Variants in VAV2 observed in about 807,000 individuals in gnomAD.
VAV2 encodes guanine nucleotide exchange factor VAV2.
Under a neutral mutation model 132.5 loss-of-function variants are expected in VAV2, and 67 were observed. The observed-to-expected ratio is 0.51, with a 90% confidence interval of 0.42 to 0.62. The LOEUF is 0.62. VAV2 is among the 20% of genes least tolerant of loss of function. VAV2 has a pLI of 0.00. For missense variants in VAV2, 938 were observed against 1,153.6 expected (o/e 0.81, Z 2.71); for synonymous variants, 492 against 443.5 (o/e 1.11, Z -1.37).
intron 3 of VAV2, among the ~76,000 whole-genome samples, chr9:133,835,568 C>T (rs1401157607): frequency 1.3e-5 from 2 of 152,206 alleles, no homozygotes; most frequent in African/African-American, 4.8e-5. Flanking sequence ...CCCCAGGGTG[C>T]GTGTTCTGGT....
chr9:133,865,852 C>A (rs746487785), intron 2 of VAV2, among the ~76,000 whole-genome samples: 1 of 152,210 alleles, frequency 6.6e-6, no homozygotes, highest in Non-Finnish European at 1.5e-5. Context: ...GTGGAGGGAG[C>A]CCCCAGGCTC....
rs1293556733 is a variant in VAV2, at chr9:133,928,821, C to G, written c.321+10282G>C. On this transcript the variant is annotated intron_variant, in intron 2 of 29. Transcript: ENST00000371850. The surrounding 1 kb of genome is among the most constrained non-coding windows in gnomAD (Gnocchi z 5.4). ...CTGGATACACTTGTCCAGCCCCAGA[C>G]GCAGGGCAGGTGGATGGTGGGTGTG... 6.6e-6 allele frequency among the ~76,000 whole-genome samples: 1 copy of G among 152,172 alleles called. No individual in the cohort carries two copies. Among genetic ancestry groups the G allele is most frequent in the Admixed American group, 6.5e-5 (1 of 15,278 alleles).
Position 133,863,863 on chromosome 9 carries a change from G to C in VAV2, c.322-2431C>G, listed in dbSNP as rs1837694726. 6.6e-6 allele frequency among the ~76,000 whole-genome samples: 1 copy of C among 152,176 alleles called. No individual in the cohort carries two copies. Among genetic ancestry groups the C allele is most frequent in the South Asian group, 2.1e-4 (1 of 4,832 alleles). ...GACCCCTGAGATAGCCATGGGGTCA[G>C]ATGGGGCAAAGCCGGCCCCATGTGA... is the stretch of plus-strand genomic sequence containing the variant. On this transcript the variant is annotated intron_variant, in intron 2 of 29. Transcript: ENST00000371850. The surrounding 1 kb of genome is among the most constrained non-coding windows in gnomAD (Gnocchi z 5.0).
At chr9:133,951,673 A>G (rs1409104006) in intron 1 of VAV2, among the ~76,000 whole-genome samples, 2 of 152,118 alleles carry the variant, frequency 1.3e-5, no homozygotes, top group African/African-American at 2.4e-5. Flanking sequence ...TACCCACAGC[A>G]GCTGACACCA....
chr9:133,772,243 C>G (rs1427125443), intron 25 of VAV2, among the ~76,000 whole-genome samples, 197 bp from the exon 26 acceptor site: 1 of 152,218 alleles, frequency 6.6e-6, no homozygotes. Flanking sequence ...TGCCTGCCTG[C>G]CCTCCTTGCT....
chr9:133,973,801 G>A (rs558660737), intron 1 of VAV2, among the ~76,000 whole-genome samples: 2 of 152,290 alleles, frequency 1.3e-5, no homozygotes, highest in East Asian at 1.9e-4. Context: ...GGACACCTGC[G>A]TGTCCCTAAA....
Position 133,788,603 on chromosome 9 carries a change from T to C in VAV2, c.1275-117A>G. ...CGCGGCTCCCTCTCCGGGCGAGCCCTGCCCTCACCTGGCTCACCAGGCTAA... is the reference window on the plus strand; with the variant it reads ...CGCGGCTCCCTCTCCGGGCGAGCCCCGCCCTCACCTGGCTCACCAGGCTAA... On this transcript the variant is annotated intron_variant, in intron 14 of 29. Coordinates refer to ENST00000371850, the MANE Select transcript of VAV2 (RefSeq NM_001134398.2). The surrounding 1 kb of genome is among the most constrained non-coding windows in gnomAD (Gnocchi z 5.3). 7.2e-7 allele frequency: 1 copy of C among 1,394,384 alleles called. No individual in the cohort carries two copies. Among genetic ancestry groups the C allele is most frequent in the Non-Finnish European group, 9.7e-7 (1 of 1,031,624 alleles). The allele number at this position is 1,394,384 out of a possible 1,614,324, so 86.4% of individuals were successfully genotyped here.
At chr9:133,856,305 C>A (rs3819503) in intron 3 of VAV2, among the ~76,000 whole-genome samples, 42,675 of 152,150 alleles carry the variant, frequency 0.28, 7,552 homozygotes, top group African/African-American at 0.51. Context: ...TCAATTTTTA[C>A]AAGTCAGAAA....
In VAV2 at chr9:133,912,842, A is replaced by G. The variant is rs1839931327; in HGVS notation, c.321+26261T>C. 6.6e-6 allele frequency among the ~76,000 whole-genome samples: 1 copy of G among 152,172 alleles called. No individual in the cohort carries two copies. Among genetic ancestry groups the G allele is most frequent in the East Asian group, 1.9e-4 (1 of 5,196 alleles). On this transcript the variant is annotated intron_variant, in intron 2 of 29. Transcript: ENST00000371850. The surrounding 1 kb of genome is among the most constrained non-coding windows in gnomAD (Gnocchi z 4.3). ...CCTCTAAAATCAGAGTCGTCCTGTG[A>G]GCCAGTGACCACTCGTCCCAAACAT...
chr9:133,942,097 C>T (rs1588148554), intron 1 of VAV2, among the ~76,000 whole-genome samples: 1 of 152,146 alleles, frequency 6.6e-6, no homozygotes, highest in Non-Finnish European at 1.5e-5. Flanking sequence ...CCCTACTGGA[C>T]GGTGCTCTAG....
chr9:133,947,825 C>A (rs1841417982), intron 1 of VAV2, among the ~76,000 whole-genome samples: 1 of 151,432 alleles, frequency 6.6e-6, no homozygotes, highest in African/African-American at 2.4e-5. Context: ...AGTCTCACTG[C>A]ATCAACGAGG....
At chr9:133,803,625 G>C (rs527582231) in intron 9 of VAV2, among the ~76,000 whole-genome samples, 1 of 152,204 alleles carries the variant, frequency 6.6e-6, no homozygotes, top group African/African-American at 2.4e-5. Flanking sequence ...GAGGACGAAG[G>C]CTGCATTCAT....
chr9:133,870,679 C>T (rs144215913), intron 2 of VAV2, among the ~76,000 whole-genome samples: 31 of 148,056 alleles, frequency 2.1e-4, no homozygotes, highest in Non-Finnish European at 1.8e-4. Flanking sequence ...ATGGATAAGT[C>T]GGTGGGTGGG....
intron 3 of VAV2, among the ~76,000 whole-genome samples, chr9:133,839,988 TCC>T (rs1214532084): frequency 3.3e-5 from 5 of 151,524 alleles, no homozygotes; most frequent in Non-Finnish European, 5.9e-5. Flanking sequence ...CACCCCCCAC[TCC>T]CCGCCCCCGA....
Position 133,939,552 on chromosome 9 carries a change from C to T in VAV2, c.205-333G>A, listed in dbSNP as rs184519935. 2.2e-4 allele frequency among the ~76,000 whole-genome samples: 34 copies of T among 152,334 alleles called. 1 individual carries two copies. Among genetic ancestry groups the T allele is most frequent in the African/African-American group, 7.7e-4 (32 of 41,574 alleles). ...TCAGAAGACACGCCACTCCCCGTAA[C>T]CGTAGGTCAGGGCGGCAAGGCAGCA... On this transcript the variant is annotated intron_variant, in intron 1 of 29. Coordinates refer to ENST00000371850, the MANE Select transcript of VAV2 (RefSeq NM_001134398.2).
intron 29 of VAV2, among the ~76,000 whole-genome samples, chr9:133,764,621 T>G (rs1473522784): frequency 6.6e-6 from 1 of 151,854 alleles, no homozygotes; most frequent in Non-Finnish European, 1.5e-5. Context: ...ATACGATGAA[T>G]GAAATGAAGA....
chr9:133,950,251 A>G (rs547829807), intron 1 of VAV2, among the ~76,000 whole-genome samples: 22 of 152,346 alleles, frequency 1.4e-4, no homozygotes, highest in African/African-American at 5.0e-4. Flanking sequence ...AAACCCAGCA[A>G]GAAAAATCAA....
intron 3 of VAV2, among the ~76,000 whole-genome samples, chr9:133,852,419 G>A (rs2131842242): frequency 6.6e-6 from 1 of 151,860 alleles, no homozygotes; most frequent in South Asian, 2.1e-4. Context: ...GGGAGTGCGG[G>A]GATGGGAAGG....
At chr9:133,803,598 G>A (rs1035041400) in intron 9 of VAV2, among the ~76,000 whole-genome samples, 4 of 152,222 alleles carry the variant, frequency 2.6e-5, no homozygotes, top group African/African-American at 9.6e-5. Context: ...AGGCTAAGAG[G>A]AGCTCCTGCC....
Sources: gnomAD v4.1 joint callset for allele counts (sites outside exome capture counted in the v4.1 genomes callset) on GRCh38, gnomAD v4.1.1 for gene constraint, Gnocchi (gnomAD v3.1) non-coding constraint, MANE v1.5 for transcripts, NCBI Gene and HGNC (gene_info 2026-07-23, HGNC 2026-07-21) for gene names.